The following ENTREP2 variants were observed in gnomAD, a reference collection of about 807,000 sequenced individuals.
The protein encoded by ENTREP2 is protein ENTREP2.
At chr15:29,389,411 C>T in the ENTREP2 span, among the ~76,000 whole-genome samples, 1 of 152,012 alleles carries the variant, frequency 6.6e-6, no homozygotes, top group Non-Finnish European at 1.5e-5. Context: ...ACAGGCTTCC[C>T]TCCCCACACC....
chr15:29,466,645 G>A, the ENTREP2 span, among the ~76,000 whole-genome samples: 6 of 123,654 alleles, frequency 4.9e-5, no homozygotes, highest in Admixed American at 7.9e-5. Context: ...GCCCCCAGGG[G>A]AGGGCCCAGG....
chr15:29,125,898 G>A, the ENTREP2 span, among the ~76,000 whole-genome samples: 1 of 152,214 alleles, frequency 6.6e-6, no homozygotes, highest in Non-Finnish European at 1.5e-5. Flanking sequence ...TCTGCGTGGG[G>A]CGGCTCCAGC....
chr15:29,364,462 C>T, the ENTREP2 span, among the ~76,000 whole-genome samples: 3 of 152,214 alleles, frequency 2.0e-5, no homozygotes, highest in Admixed American at 2.0e-4. Flanking sequence ...TTTCCCACCA[C>T]GCTTGTTATT....
the ENTREP2 span, among the ~76,000 whole-genome samples, chr15:29,205,865 A>G: frequency 6.6e-6 from 1 of 152,160 alleles, no homozygotes; most frequent in Admixed American, 6.5e-5. Context: ...TAACCTGTTG[A>G]TTTCTCCCTA....
chr15:29,335,439 T>C, the ENTREP2 span, among the ~76,000 whole-genome samples: 1 of 152,176 alleles, frequency 6.6e-6, no homozygotes, highest in South Asian at 2.1e-4. Context: ...AACAGCTCTC[T>C]GAATCAAATG....
At chr15:29,650,393 G>A in the ENTREP2 span, among the ~76,000 whole-genome samples, 2 of 151,552 alleles carry the variant, frequency 1.3e-5, no homozygotes, top group African/African-American at 4.9e-5. Flanking sequence ...AGGAGTTCAA[G>A]ACCAGCCTGG....
the ENTREP2 span, among the ~76,000 whole-genome samples, chr15:29,576,519 A>T: frequency 6.6e-6 from 1 of 152,270 alleles, no homozygotes; most frequent in African/African-American, 2.4e-5. Flanking sequence ...GCACATTGTC[A>T]AGAAAGTGAA....
the ENTREP2 span, among the ~76,000 whole-genome samples, chr15:29,620,139 G>A: frequency 6.6e-6 from 1 of 152,124 alleles, no homozygotes; most frequent in African/African-American, 2.4e-5. Flanking sequence ...CTGTGAGGAA[G>A]GACAGATGAC....
At chr15:29,439,899 A>G in the ENTREP2 span, among the ~76,000 whole-genome samples, 12 of 152,252 alleles carry the variant, frequency 7.9e-5, no homozygotes, top group Admixed American at 7.2e-4. Flanking sequence ...AGGTTAACTC[A>G]CCAGTAGTAA....
At chr15:29,143,655 TAC>T in the ENTREP2 span, among the ~76,000 whole-genome samples, 1 of 152,160 alleles carries the variant, frequency 6.6e-6, no homozygotes, top group African/African-American at 2.4e-5. Flanking sequence ...CCGAAGGGCT[TAC>T]ACACACTTGC....
At chr15:29,213,570 C>T in the ENTREP2 span, among the ~76,000 whole-genome samples, 10,150 of 152,116 alleles carry the variant, frequency 0.067, 1,171 homozygotes, top group African/African-American at 0.23. Flanking sequence ...TGGGAGTTCA[C>T]TCATGATTTG....
At chr15:29,313,804 G>A in the ENTREP2 span, among the ~76,000 whole-genome samples, 1 of 152,196 alleles carries the variant, frequency 6.6e-6, no homozygotes, top group Non-Finnish European at 1.5e-5. Flanking sequence ...CATACATAGT[G>A]ATCCTGTAAT....
At chr15:29,598,874 T>C in the ENTREP2 span, among the ~76,000 whole-genome samples, 1 of 152,128 alleles carries the variant, frequency 6.6e-6, no homozygotes, top group Non-Finnish European at 1.5e-5. Context: ...TTTTTTGTAT[T>C]TTTAGTAGAG....
the ENTREP2 span, among the ~76,000 whole-genome samples, chr15:29,638,012 C>T: frequency 6.6e-6 from 1 of 152,206 alleles, no homozygotes; most frequent in Non-Finnish European, 1.5e-5. Context: ...ACGCAGGAGG[C>T]TGTGGCACCT....
chr15:29,485,870 G>C, the ENTREP2 span, among the ~76,000 whole-genome samples: 4 of 152,142 alleles, frequency 2.6e-5, no homozygotes, highest in Non-Finnish European at 5.9e-5. Flanking sequence ...CGTAATAAAT[G>C]CTGGTGAGGA....
chr15:29,433,077 C>A, the ENTREP2 span, among the ~76,000 whole-genome samples: 9 of 152,182 alleles, frequency 5.9e-5, no homozygotes, highest in Non-Finnish European at 8.8e-5. Flanking sequence ...CTCAATCACA[C>A]CACTGCCCTC....
At chr15:29,627,890 T>C in the ENTREP2 span, among the ~76,000 whole-genome samples, 8 of 152,216 alleles carry the variant, frequency 5.3e-5, no homozygotes, top group Non-Finnish European at 1.0e-4. Context: ...TATTCATCCA[T>C]CCATTGGTGG....
chr15:29,463,431 G>A, the ENTREP2 span, among the ~76,000 whole-genome samples: 1 of 152,172 alleles, frequency 6.6e-6, no homozygotes, highest in African/African-American at 2.4e-5. Context: ...GCATGTGGCT[G>A]CACAATTATA....
chr15:29,370,376 T>C, the ENTREP2 span, among the ~76,000 whole-genome samples: 1 of 151,974 alleles, frequency 6.6e-6, no homozygotes, highest in African/African-American at 2.4e-5. Context: ...TAGAAACAAA[T>C]AAGGACATTT....
Sources: allele counts gnomAD v4.1 joint callset (sites outside exome capture counted in the v4.1 genomes callset), GRCh38; gene constraint gnomAD v4.1.1; transcripts MANE v1.5; gene names NCBI Gene and HGNC (gene_info 2026-07-23, HGNC 2026-07-21).